The following AGMO variants were observed in gnomAD, a reference collection of about 807,000 sequenced individuals.
AGMO encodes glyceryl-ether monooxygenase.
In AGMO, 75 loss-of-function variants were observed where a neutral mutation model predicts 60.2. The observed-to-expected ratio is 1.25, with a 90% CI of 1.03 to 1.51. The LOEUF is 1.51. AGMO is among the 40% of genes most tolerant of loss of function. The pLI is 0.00. For missense variants in AGMO, 763 were observed against 525.5 expected (o/e 1.45, Z -4.42); for synonymous variants, 261 against 177.1 (o/e 1.47, Z -3.76).
intron 10 of AGMO, among the ~76,000 whole-genome samples, chr7:15,376,352 G>T (rs183924039): frequency 2.6e-5 from 4 of 151,130 alleles, no homozygotes; most frequent in African/African-American, 7.4e-5. Flanking sequence ...ACTCTCTGCT[G>T]TAAGAGTCGA....
chr7:15,329,435 G>A (rs1313519995), intron 12 of AGMO, among the ~76,000 whole-genome samples: 1 of 152,146 alleles, frequency 6.6e-6, no homozygotes, highest in East Asian at 1.9e-4. Flanking sequence ...AGCTCCCAGA[G>A]GACATGACAA....
chr7:15,233,300 G>C (rs749265260), intron 12 of AGMO, among the ~76,000 whole-genome samples: 1 of 152,182 alleles, frequency 6.6e-6, no homozygotes, highest in African/African-American at 2.4e-5. Flanking sequence ...GCCACAGGTT[G>C]ATAGTGTAAA....
chr7:15,142,806 A>G, the AGMO span, among the ~76,000 whole-genome samples: 19 of 152,304 alleles, frequency 1.2e-4, no homozygotes, highest in East Asian at 1.7e-3. Flanking sequence ...CCTTGCCACA[A>G]TCATTTCTGC....
At chr7:15,290,404 T>C (rs911183902) in intron 12 of AGMO, among the ~76,000 whole-genome samples, 1 of 152,156 alleles carries the variant, frequency 6.6e-6, no homozygotes, top group Admixed American at 6.6e-5. Flanking sequence ...TTTTCTAGGA[T>C]ATATTGTTAA....
chr7:15,253,270 C>T (rs1213858538), intron 12 of AGMO, among the ~76,000 whole-genome samples: 2 of 152,102 alleles, frequency 1.3e-5, no homozygotes, highest in African/African-American at 2.4e-5. Context: ...CATTTCAGAA[C>T]TTAAGAGGTA....
chr7:15,506,517 C>T (rs1474205536), intron 3 of AGMO, among the ~76,000 whole-genome samples: 2 of 152,022 alleles, frequency 1.3e-5, no homozygotes, highest in Non-Finnish European at 2.9e-5. Context: ...ATAACTATTC[C>T]TCATACTATA....
the AGMO span, among the ~76,000 whole-genome samples, chr7:15,155,841 T>G: frequency 6.6e-6 from 1 of 152,140 alleles, no homozygotes; most frequent in Non-Finnish European, 1.5e-5. Context: ...CCTTGAGGGT[T>G]TGAGTGTGGA....
chr7:15,462,056 G>GA (rs199770020), intron 3 of AGMO, among the ~76,000 whole-genome samples: 1 of 63,816 alleles, frequency 1.6e-5, no homozygotes, highest in African/African-American at 6.8e-5. Flanking sequence ...ATCCTACTTG[G>GA]AAAAGGTAAA....
chr7:15,145,171 C>A, the AGMO span, among the ~76,000 whole-genome samples: 1 of 152,040 alleles, frequency 6.6e-6, no homozygotes, highest in African/African-American at 2.4e-5. Context: ...ATATCACCTG[C>A]CTATTGCCCT....
intron 10 of AGMO, among the ~76,000 whole-genome samples, chr7:15,378,746 T>C (rs1338850940): frequency 6.6e-6 from 1 of 151,676 alleles, no homozygotes; most frequent in Non-Finnish European, 1.5e-5. Flanking sequence ...CAAAATTCTA[T>C]AGTGCCTTTC....
intron 3 of AGMO, among the ~76,000 whole-genome samples, chr7:15,504,716 G>A (rs1045402447): frequency 6.7e-6 from 1 of 150,124 alleles, no homozygotes; most frequent in Non-Finnish European, 1.5e-5. Context: ...TTGGATACAA[G>A]TTTATCCAGA....
At chr7:15,553,612 ATC>A (rs1785041529) in intron 2 of AGMO, among the ~76,000 whole-genome samples, 4 of 152,066 alleles carry the variant, frequency 2.6e-5, no homozygotes, top group Non-Finnish European at 4.4e-5. Context: ...AAAATATGCT[ATC>A]TTTCTTGTCA....
chr7:15,355,014 T>C (rs1181492532), intron 12 of AGMO, among the ~76,000 whole-genome samples: 2 of 152,056 alleles, frequency 1.3e-5, no homozygotes, highest in African/African-American at 2.4e-5. Context: ...TGATAAATAT[T>C]TGGCCTATTG....
At chr7:15,352,240 C>T (rs756922753) in intron 12 of AGMO, among the ~76,000 whole-genome samples, 3 of 152,146 alleles carry the variant, frequency 2.0e-5, no homozygotes, top group South Asian at 2.1e-4. Flanking sequence ...AATTTAACTT[C>T]ACTTTCAAAG....
intron 3 of AGMO, among the ~76,000 whole-genome samples, chr7:15,496,024 T>C (rs562480400): frequency 2.2e-4 from 33 of 152,240 alleles, no homozygotes; most frequent in South Asian, 1.2e-3. Flanking sequence ...CACGTGAATT[T>C]TGGGAGACAC....
At chr7:15,283,932 TCAAACTAGA>T (rs1322968302) in intron 12 of AGMO, among the ~76,000 whole-genome samples, 1 of 151,960 alleles carries the variant, frequency 6.6e-6, no homozygotes, top group Admixed American at 6.6e-5. Flanking sequence ...AAAGGAACCC[TCAAACTAGA>T]CAAATACATG....
At chr7:15,189,460 C>A in the AGMO span, among the ~76,000 whole-genome samples, 1 of 152,062 alleles carries the variant, frequency 6.6e-6, no homozygotes, top group African/African-American at 2.4e-5. Context: ...TTTGGAGCAA[C>A]GAATGCTAGT....
chr7:15,139,820 C>CA, the AGMO span, among the ~76,000 whole-genome samples: 873 of 66,270 alleles, frequency 0.013, 7 homozygotes, highest in Middle Eastern at 0.051. Flanking sequence ...TCTCAAAAGA[C>CA]AAAAAAAAAA....
intron 4 of AGMO, among the ~76,000 whole-genome samples, chr7:15,419,768 A>T (rs59394225): frequency 0.053 from 8,114 of 151,982 alleles, 710 homozygotes; most frequent in African/African-American, 0.19. Context: ...TTTTTAGTCC[A>T]TGTTTCCACT....
Sources: gnomAD v4.1 joint callset for allele counts (sites outside exome capture counted in the v4.1 genomes callset) on GRCh38, gnomAD v4.1.1 for gene constraint, MANE v1.5 for transcripts, NCBI Gene and HGNC (gene_info 2026-07-23, HGNC 2026-07-21) for gene names.